The following EIF2AK3 variants were observed in gnomAD, a reference collection of about 807,000 sequenced individuals.
The protein encoded by EIF2AK3 is eukaryotic translation initiation factor 2-alpha kinase 3.
EIF2AK3 carries 50 observed loss-of-function variants against 113.5 expected under a neutral mutation model. That is an observed-to-expected ratio of 0.44 (90% confidence interval 0.35 to 0.56). The LOEUF (loss-of-function observed/expected upper bound fraction) is 0.56, where lower values mean the gene tolerates loss of function less well. Ranked by LOEUF, EIF2AK3 falls within the 20% of genes least tolerant of loss-of-function variation. The pLI is 0.00. For synonymous variants in EIF2AK3, 448 were observed against 495.4 expected, an observed-to-expected ratio of 0.90 and a Z score of 1.27; for missense variants, 1,185 against 1,378.0, an observed-to-expected ratio of 0.86 and a Z score of 2.22.
At chr2:88,563,982 T>C (rs950558476) in intron 14 of EIF2AK3, among the ~76,000 whole-genome samples, 5 of 152,326 alleles carry the variant, frequency 3.3e-5, no homozygotes, top group African/African-American at 1.2e-4. Flanking sequence ...AGATATATAA[T>C]GTGTTACTAA....
At position 88,595,951 on chromosome 2, in the gene EIF2AK3, A is replaced by G. The variant is rs1230871907; in HGVS notation, c.439-288T>C. On this transcript the variant is annotated intron_variant, in intron 2 of 16. Coordinates refer to ENST00000303236, the MANE Select transcript of EIF2AK3 (RefSeq NM_004836.7). ...TTACCATGGGCCAAAAGGGTCCCAT[A>G]ATGGTAGGTGAGTTACCAAAAGAGA... is the stretch of plus-strand genomic sequence containing the variant. 2.0e-5 allele frequency: 9 copies of G among 458,008 alleles called. No homozygotes were observed. In the East Asian group the frequency reaches 4.0e-4, roughly 20 times the overall value. 28.4% of individuals were successfully genotyped at this position (458,008 alleles called of 1,614,324 possible).
At chr2:88,584,149 A>G (rs188516250) in intron 9 of EIF2AK3, among the ~76,000 whole-genome samples, 115 of 152,264 alleles carry the variant, frequency 7.6e-4, no homozygotes, top group African/African-American at 2.6e-3. Flanking sequence ...CTGAGCTCCA[A>G]TTATGTGCCA....
intron 14 of EIF2AK3, among the ~76,000 whole-genome samples, chr2:88,569,710 A>T (rs757626492): frequency 1.3e-5 from 2 of 152,226 alleles, no homozygotes; most frequent in Non-Finnish European, 2.9e-5. Flanking sequence ...GGACCAAGGG[A>T]TGTTAAAAGT....
intron 1 of EIF2AK3, among the ~76,000 whole-genome samples, chr2:88,620,211 C>T (rs1273912043): frequency 2.0e-5 from 3 of 152,110 alleles, no homozygotes; most frequent in Non-Finnish European, 4.4e-5. Context: ...AATTTGGTTT[C>T]GGTGTACTTT....
chr2:88,606,116 CT>C (rs531076441), intron 2 of EIF2AK3, among the ~76,000 whole-genome samples: 6 of 152,082 alleles, frequency 3.9e-5, no homozygotes, highest in African/African-American at 1.4e-4. Flanking sequence ...TTGTTTAATT[CT>C]TTTTTTCACT....
chr2:88,575,020 C>A lies in EIF2AK3; in HGVS notation c.2463G>T (p.Glu821Asp), dbSNP rs1469352010. ...CAATATGCAATCGATTAGTTTTCGG[C>A]TCTTCTTTACTGGAAGCATTATCAC... The part of the protein sequence containing the change: ...SGCDNASSKE[E>D]PKTNRLHIGN... The change falls in exon 13 of 17, where the codon GAG becomes GAT. Residue 821 changes from glutamate (E) to aspartate (D), a missense_variant. By Grantham distance (45) the Glu-to-Asp change is conservative. Transcript: ENST00000303236. The A allele has an allele frequency of 6.2e-7, 1 of 1,614,070 alleles. No homozygotes were observed. Among genetic ancestry groups the A allele is most frequent in the Non-Finnish European group, 8.5e-7 (1 of 1,180,040 alleles).
chr2:88,609,798 A>G (rs1358186338), intron 2 of EIF2AK3, among the ~76,000 whole-genome samples: 1 of 151,984 alleles, frequency 6.6e-6, no homozygotes, highest in Non-Finnish European at 1.5e-5. Context: ...TTATGTTTTT[A>G]AGTGAATTCT....
At chr2:88,579,485 G>A in intron 11 of EIF2AK3, 33 bp downstream of exon 11, 1 of 1,611,862 alleles carries the variant, frequency 6.2e-7, no homozygotes, top group East Asian at 2.2e-5. Context: ...ACACTGTGCT[G>A]ATTTCAAGTT....
In EIF2AK3 at chr2:88,613,797, T is replaced by C. The variant is rs1331657578; in HGVS notation, c.365A>G (p.Asn122Ser). 1 of 1,613,934 alleles carries C rather than the reference T, an allele frequency of 6.2e-7. No individual in the cohort carries two copies. The highest frequency in any genetic ancestry group is 8.5e-7 in the Non-Finnish European group (1 of 1,179,928). ...DGRIAALDPE[N>S]HGKKQWDLDV... ...CAAATCCCACTGCTTTTTACCATGA[T>C]TTTCAGGATCCAAGGCAGCAATTCT... Residue 122 changes from asparagine to serine, a missense_variant, in exon 2 of 17, where the codon AAT becomes AGT. Asn to Ser is a conservative substitution (Grantham distance 46). This residue lies in a region of EIF2AK3 where 119 missense variants were observed against 178.7 expected (regional missense o/e 0.67). Transcript: ENST00000303236.
intron 14 of EIF2AK3, among the ~76,000 whole-genome samples, chr2:88,563,350 C>T (rs1364761154): frequency 3.3e-5 from 5 of 152,152 alleles, no homozygotes; most frequent in Non-Finnish European, 7.3e-5. Context: ...AGATGGAAAG[C>T]TTCAGTGACC....
intron 10 of EIF2AK3, among the ~76,000 whole-genome samples, chr2:88,580,850 G>C (rs1400995348): frequency 6.6e-6 from 1 of 152,062 alleles, no homozygotes; most frequent in Non-Finnish European, 1.5e-5. Context: ...TCCTTTCATA[G>C]AAAATGAAGA....
intron 11 of EIF2AK3, among the ~76,000 whole-genome samples, chr2:88,577,925 T>C (rs919686003): frequency 2.0e-5 from 3 of 152,194 alleles, no homozygotes; most frequent in Non-Finnish European, 4.4e-5. Flanking sequence ...TTTGGCCACA[T>C]CTGCTCTTCT....
chr2:88,576,841 T>A, intron 11 of EIF2AK3, 138 bp from the exon 12 acceptor site: 1 of 962,296 alleles, frequency 1.0e-6, no homozygotes, highest in Non-Finnish European at 1.5e-6. Flanking sequence ...GAAATAAAAT[T>A]AGCCTGAAAA....
At chr2:88,597,639 G>A (rs1675050243) in intron 2 of EIF2AK3, among the ~76,000 whole-genome samples, 1 of 152,006 alleles carries the variant, frequency 6.6e-6, no homozygotes, top group Non-Finnish European at 1.5e-5. Flanking sequence ...CTTCTTTCTG[G>A]AACATCCTTC....
chr2:88,626,153 T>G (rs1675852065), intron 1 of EIF2AK3, among the ~76,000 whole-genome samples: 1 of 152,222 alleles, frequency 6.6e-6, no homozygotes, highest in Non-Finnish European at 1.5e-5. Context: ...ACATTGTGTC[T>G]AGACTTTGAA....
intron 10 of EIF2AK3, 103 bp downstream of exon 10, chr2:88,583,327 A>G: frequency 1.2e-6 from 1 of 825,768 alleles, no homozygotes; most frequent in South Asian, 1.5e-5. Flanking sequence ...GGTTAAGCCT[A>G]TGTTTTATTT....
intron 2 of EIF2AK3, among the ~76,000 whole-genome samples, chr2:88,602,793 G>A (rs1188850799): frequency 3.3e-5 from 5 of 151,882 alleles, no homozygotes; most frequent in African/African-American, 1.2e-4. Context: ...ACATACTGGG[G>A]CCTGACGGGG....
chr2:88,586,731 A>C (rs886590024), intron 8 of EIF2AK3, among the ~76,000 whole-genome samples: 10 of 151,032 alleles, frequency 6.6e-5, no homozygotes, highest in Non-Finnish European at 1.3e-4. Context: ...AGCTGGGACT[A>C]CACATGTGTA....
At position 88,559,004 on chromosome 2, in the gene EIF2AK3, ATTAAGT is replaced by A. The variant is rs759995461; in HGVS notation, c.3088-31_3088-26del. The A allele has an allele frequency of 2.0e-4, 289 of 1,476,962 alleles. No homozygotes were observed. In the African/African-American group the frequency reaches 3.6e-3, roughly 19 times the overall value. 91.5% of individuals were successfully genotyped at this position (1,476,962 alleles called of 1,614,324 possible). A position where few individuals can be genotyped will look rare whatever the true frequency, so the allele number is the denominator to read the frequency against. ...TCTAAAAAGAAAAAAAGTATCACTT[ATTAAGT>A]TTATTTTGACATACAACATGAAAAT... On this transcript the variant is annotated intron_variant, in intron 15 of 16. Transcript: ENST00000303236.
Sources: gnomAD v4.1 joint callset for allele counts (sites outside exome capture counted in the v4.1 genomes callset) on GRCh38, gnomAD v4.1.1 for gene constraint, gnomAD v4.1.1 regional missense constraint, MANE v1.5 for transcripts, NCBI Gene and HGNC (gene_info 2026-07-23, HGNC 2026-07-21) for gene names.